Variants in LINS1 observed in about 807,000 individuals in gnomAD.
LINS1 encodes the protein lines homolog 1.
In LINS1, 27 loss-of-function variants were observed where a neutral mutation model predicts 41.6. That is an observed-to-expected ratio of 0.65 (90% CI 0.48 to 0.89). The LOEUF is 0.89. Among genes scored for constraint, LINS1 ranks in the 40% least tolerant of loss-of-function variants. LINS1 has a pLI of 0.00. For synonymous variants in LINS1, 336 were observed against 312.9 expected (o/e 1.07, Z -0.78); for missense variants, 955 against 884.1 (o/e 1.08, Z -1.02).
In LINS1 at chr15:100,568,298, C is replaced by G. The variant is rs1336417918; in HGVS notation, c.*940G>C. 3 of 152,190 alleles carry G rather than the reference C, an allele frequency of 2.0e-5. No individual in the cohort carries two copies. The highest frequency in any genetic ancestry group is 4.4e-5 in the Non-Finnish European group (3 of 68,038). 9.4% of individuals were successfully genotyped at this position (152,190 alleles called of 1,614,324 possible). A position where few individuals can be genotyped will look rare whatever the true frequency, so the allele number is the denominator to read the frequency against. The stretch of plus-strand genomic sequence containing the variant: ...GTAACTGTATTTGGTTAGTGACTCT[C>G]CTGGATTCAAGTCCATCAAGGACAC... On this transcript the variant is annotated 3_prime_UTR_variant, in exon 7 of 7. Transcript: ENST00000314742.
intron 1 of LINS1, among the ~76,000 whole-genome samples, chr15:100,593,711 T>C (rs1276747640): frequency 6.6e-6 from 1 of 152,152 alleles, no homozygotes; most frequent in Non-Finnish European, 1.5e-5. Context: ...ACCAAAGCAC[T>C]CTTCAAACTT....
In LINS1 at chr15:100,569,740, G is replaced by A. The variant is rs150637522; in HGVS notation, c.1772C>T (p.Ser591Phe). 6 of 1,613,770 alleles carry A rather than the reference G, an allele frequency of 3.7e-6. No homozygotes were observed. The highest frequency in any genetic ancestry group is 4.2e-6 in the Non-Finnish European group (5 of 1,179,820). ...TTCAGAGGGAGCATCGGAAGCCCAG[G>A]AGTGCCGAGCACACACATCTCTGTG... ...HSHRDVCARH[S>F]WASDAPSEPL... The change falls in exon 7 of 7, where the codon TCC becomes TTC. Residue 591 changes from serine (S) to phenylalanine (F), a missense_variant. Coordinates refer to ENST00000314742, the MANE Select transcript of LINS1 (RefSeq NM_001040616.3).
At chr15:100,579,858 A>G (rs1051167557) in intron 3 of LINS1, among the ~76,000 whole-genome samples, 26 of 152,190 alleles carry the variant, frequency 1.7e-4, no homozygotes, top group African/African-American at 6.0e-4. Flanking sequence ...GCAGAAAGTT[A>G]TGGAGTCTGA....
chr15:100,572,717 T>G, intron 5 of LINS1: 3 of 985,820 alleles, frequency 3.0e-6, no homozygotes, highest in Non-Finnish European at 3.6e-6. Flanking sequence ...ATCTGTATGC[T>G]GCCTGTTTAG....
Position 100,573,658 on chromosome 15 carries a change from T to G in LINS1, c.1215A>C (p.Glu405Asp). ...AGGAGTTTGGAGAATTACCTTTCAC[T>G]TCACTTGCTGAAGAATAATTTTGAA... is the stretch of plus-strand genomic sequence containing the variant. ...IKFQNYSSAS[E>D]VKVDLQRFMS... The change falls in exon 5 of 7, where the codon GAA becomes GAC. Residue 405 changes from glutamate to aspartate, a missense_variant. Coordinates refer to ENST00000314742, the MANE Select transcript of LINS1 (RefSeq NM_001040616.3). The G allele has an allele frequency of 6.3e-7, 1 of 1,586,128 alleles. No individual in the cohort carries two copies. Among genetic ancestry groups the G allele is most frequent in the Non-Finnish European group, 8.6e-7 (1 of 1,156,626 alleles).
At chr15:100,595,903 C>G (rs146671834) in intron 1 of LINS1, among the ~76,000 whole-genome samples, 1 of 152,314 alleles carries the variant, frequency 6.6e-6, no homozygotes, top group East Asian at 1.9e-4. Context: ...TTCTGGTTCC[C>G]TCCACCAATC....
At chr15:100,587,942 G>A (rs1567095745) in intron 1 of LINS1, among the ~76,000 whole-genome samples, 2 of 152,156 alleles carry the variant, frequency 1.3e-5, no homozygotes, top group African/African-American at 4.8e-5. Flanking sequence ...GGCTGGTCAG[G>A]GAGAAAGAGC....
intron 3 of LINS1, among the ~76,000 whole-genome samples, chr15:100,579,606 T>C (rs1299730446): frequency 2.6e-5 from 4 of 152,192 alleles, no homozygotes; most frequent in Non-Finnish European, 4.4e-5. Flanking sequence ...CTTTTTATAT[T>C]CAGAAAAGTT....
At position 100,567,800 on chromosome 15, in the gene LINS1, T is replaced by C. The variant is rs1269463531; in HGVS notation, c.*1438A>G. On this transcript the variant is annotated 3_prime_UTR_variant, in exon 7 of 7. Coordinates refer to ENST00000314742, the MANE Select transcript of LINS1 (RefSeq NM_001040616.3). Reference sequence around the variant, plus strand: ...AAACCTTTTGACCTTTGCATTGCTATTTGGCTAACACTGGTACTTCGCTGT... The same window carrying C: ...AAACCTTTTGACCTTTGCATTGCTACTTGGCTAACACTGGTACTTCGCTGT... The C allele has an allele frequency of 6.6e-6, 1 of 152,264 alleles. No individual in the cohort carries two copies. The highest frequency in any genetic ancestry group is 1.5e-5 in the Non-Finnish European group (1 of 68,048). 9.4% of individuals were successfully genotyped at this position (152,264 alleles called of 1,614,324 possible). A position where few individuals can be genotyped will look rare whatever the true frequency, so the allele number is the denominator to read the frequency against.
chr15:100,573,346 T>C, intron 5 of LINS1: 1 of 1,201,566 alleles, frequency 8.3e-7, no homozygotes, highest in East Asian at 3.4e-5. Flanking sequence ...ATAAATAAAA[T>C]GCTGTAAATA....
intron 6 of LINS1, among the ~76,000 whole-genome samples, chr15:100,570,815 C>A (rs2037783237): frequency 6.6e-6 from 1 of 152,160 alleles, no homozygotes; most frequent in South Asian, 2.1e-4. Context: ...TGGTTTCTAT[C>A]ATTTACAACC....
At chr15:100,582,475 G>A (rs1243299499) in intron 1 of LINS1, among the ~76,000 whole-genome samples, 1 of 138,176 alleles carries the variant, frequency 7.2e-6, no homozygotes, top group African/African-American at 2.8e-5. Context: ...CCTAGTCTTG[G>A]TCTTACATTG....
rs766979128 is a variant in LINS1, at chr15:100,569,976, AAAGTC to A, written c.1531_1535del (p.Asp511PhefsTer10). 1.3e-6 allele frequency: 2 copies of A among 1,573,864 alleles called. No homozygotes were observed. Among genetic ancestry groups the A allele is most frequent in the Non-Finnish European group, 1.7e-6 (2 of 1,160,864 alleles). ...GAAAACAGGTTTCTGATGAAATCAA[AAAGTC>A]AAGAAGAACTGTGGAATCAAATCCT... On this transcript the variant is annotated frameshift_variant, in exon 7 of 7. Transcript: ENST00000314742. LOFTEE classifies it low-confidence loss of function (END_TRUNC).
intron 1 of LINS1, among the ~76,000 whole-genome samples, chr15:100,591,441 G>A (rs1213968651): frequency 3.9e-5 from 6 of 152,122 alleles, no homozygotes; most frequent in Admixed American, 6.5e-5. Flanking sequence ...AAGTGAGAAC[G>A]TGACCAAAAA....
chr15:100,583,442 T>A (rs913357040), intron 1 of LINS1, among the ~76,000 whole-genome samples: 4 of 152,196 alleles, frequency 2.6e-5, no homozygotes, highest in African/African-American at 9.6e-5. Context: ...AAGTTATGAA[T>A]GAAACTTTTG....
In LINS1 at chr15:100,574,205, A is replaced by G. The variant is rs2141280302; in HGVS notation, c.668T>C (p.Ile223Thr). Residue 223 changes from isoleucine to threonine, a missense_variant, in exon 5 of 7, where the codon ATT becomes ACT. Physicochemically the swap from Ile to Thr is moderately conservative, Grantham distance 89 (BLOSUM62 -1). Transcript: ENST00000314742. ...TAAGGAATTGTAAAACACTTCAAAAATGGTGTCGAAATGAGTCAGGAACTG... is the reference window on the plus strand; with the variant it reads ...TAAGGAATTGTAAAACACTTCAAAAGTGGTGTCGAAATGAGTCAGGAACTG... Reference protein sequence around the residue: ...LKQFLTHFDTIFEVFYNSLFS... With the variant: ...LKQFLTHFDTTFEVFYNSLFS... 2 of 1,613,026 alleles carry G rather than the reference A, an allele frequency of 1.2e-6. No individual in the cohort carries two copies. Among genetic ancestry groups the G allele is most frequent in the Non-Finnish European group, 8.5e-7 (1 of 1,179,192 alleles).
chr15:100,601,550 G>A (rs968892836), intron 1 of LINS1, among the ~76,000 whole-genome samples: 3 of 151,988 alleles, frequency 2.0e-5, no homozygotes, highest in Non-Finnish European at 4.4e-5. Flanking sequence ...TCACACCATA[G>A]CACTACCTAT....
intron 1 of LINS1, chr15:100,597,086 C>A (rs953113710): frequency 1.5e-4 from 23 of 152,200 alleles, no homozygotes; most frequent in African/African-American, 5.5e-4. Flanking sequence ...CTCTTTTGAG[C>A]ACATCCAGGC....
rs1179163861 is a variant in LINS1, at chr15:100,580,615, C to T, written c.228G>A (p.Leu76=). ...VAPIAVAPVC[L]KTNSQMSGSR... is the part of the protein sequence containing the mutation. ...AACCGCTCATCTGAGAGTTGGTCTT[C>T]AAACACACAGGTGCTACAGCAATGG... Residue 76 remains leucine, a synonymous_variant, in exon 2 of 7, where the codon TTG becomes TTA. Transcript: ENST00000314742. 7 of 1,614,008 alleles carry T rather than the reference C, an allele frequency of 4.3e-6. No individual in the cohort carries two copies. The Admixed American group carries it at 1.0e-4, about 23-fold the overall frequency.
Sources: allele counts gnomAD v4.1 joint callset (sites outside exome capture counted in the v4.1 genomes callset), GRCh38; gene constraint gnomAD v4.1.1; transcripts MANE v1.5; gene names NCBI Gene and HGNC (gene_info 2026-07-23, HGNC 2026-07-21).